Variants in CASR observed in about 807,000 individuals in gnomAD.
CASR encodes calcium sensing receptor, also known as extracellular calcium-sensing receptor.
A neutral mutation model predicts 69.1 loss-of-function variants in CASR; 23 were observed. The observed-to-expected ratio is 0.33, with a 90% CI of 0.24 to 0.47. CASR has a LOEUF of 0.47. Ranked by LOEUF, CASR falls within the 20% of genes least tolerant of loss-of-function variation. CASR has a pLI of 1.00. For synonymous variants in CASR, 541 were observed against 544.7 expected (o/e 0.99, Z 0.10); for missense variants, 924 against 1,356.1 (o/e 0.68, Z 5.00).
intron 1 of CASR, chr3:122,246,462 A>G (rs2074428588): frequency 6.6e-6 from 1 of 152,214 alleles, no homozygotes; most frequent in Non-Finnish European, 1.5e-5. Flanking sequence ...CGGAGCCACA[A>G]ACTTGGCTTA....
At chr3:122,201,266 A>G (rs994307680) in intron 1 of CASR, among the ~76,000 whole-genome samples, 1 of 152,194 alleles carries the variant, frequency 6.6e-6, no homozygotes. Context: ...CCCTTAATCC[A>G]TTTAACCCTG....
At chr3:122,254,441 C>G (rs931087409) in intron 2 of CASR, 67 bp downstream of exon 2, 22 of 1,486,390 alleles carry the variant, frequency 1.5e-5, no homozygotes, top group Non-Finnish European at 2.0e-5. Flanking sequence ...CTGCACCAAA[C>G]GCAAAATAAT....
rs1023450777 is a variant in CASR at position 122,288,505 on chromosome 3, C to T, written c.*3314C>T. The T allele has an allele frequency of 1.3e-5, 2 of 152,200 alleles. No homozygotes were observed. The highest frequency in any genetic ancestry group is 6.5e-5 in the Admixed American group (1 of 15,278). The allele number at this position is 152,200 out of a possible 1,614,324, so 9.4% of individuals were successfully genotyped here. On this transcript the variant is annotated 3_prime_UTR_variant, in exon 7 of 7. Transcript: ENST00000639785. ...CTTCCCTGAGTTTTGGCAGCCAGAG[C>T]CTGTCTCAGAGATCTATTCCTGTTC...
At chr3:122,227,682 G>A (rs750824395) in intron 1 of CASR, among the ~76,000 whole-genome samples, 10 of 152,184 alleles carry the variant, frequency 6.6e-5, no homozygotes, top group African/African-American at 1.2e-4. Flanking sequence ...AGCCAAGGCC[G>A]AGGAGGCACC....
intron 1 of CASR, among the ~76,000 whole-genome samples, chr3:122,201,620 G>A (rs891249235): frequency 1.8e-4 from 25 of 140,618 alleles, no homozygotes; most frequent in Admixed American, 1.2e-3. Context: ...GCGGCTGGCC[G>A]GGCGGGGGCG....
chr3:122,203,571 A>C lies in CASR; in HGVS notation c.-243+19759A>C, dbSNP rs912163013. Among the ~76,000 whole-genome samples the C allele has an allele frequency of 4.6e-5, 7 of 152,230 alleles. No homozygotes were observed. In the South Asian group the frequency reaches 6.2e-4, roughly 14 times the overall value. ...AGTAAAAAATGGTATAAAAGGCCAA[A>C]AAAAGGGTACATGTGTATAATAAGG... On this transcript the variant is annotated intron_variant, in intron 1 of 6. Transcript: ENST00000639785.
chr3:122,274,812 C>T (rs1023931559), intron 4 of CASR, among the ~76,000 whole-genome samples: 2 of 152,178 alleles, frequency 1.3e-5, no homozygotes, highest in African/African-American at 4.8e-5. Context: ...GTGTACCCTA[C>T]ACTCACAGGC....
intron 1 of CASR, among the ~76,000 whole-genome samples, chr3:122,216,329 T>C (rs535420833): frequency 4.5e-4 from 68 of 152,296 alleles, no homozygotes; most frequent in African/African-American, 1.5e-3. Flanking sequence ...TACTTGATCA[T>C]GGGCAAGGGA....
At chr3:122,232,545 G>T (rs2074288327) in intron 1 of CASR, among the ~76,000 whole-genome samples, 1 of 152,180 alleles carries the variant, frequency 6.6e-6, no homozygotes, top group South Asian at 2.1e-4. Context: ...GGAACTGAAG[G>T]GAGGGCAGGC....
intron 1 of CASR, among the ~76,000 whole-genome samples, chr3:122,245,830 G>C (rs1056302842): frequency 1.3e-5 from 2 of 152,168 alleles, no homozygotes; most frequent in African/African-American, 2.4e-5. Context: ...GTGCACCTGC[G>C]GTCCAATTAA....
intron 1 of CASR, among the ~76,000 whole-genome samples, chr3:122,236,888 A>T (rs944224428): frequency 6.6e-6 from 1 of 152,210 alleles, no homozygotes; most frequent in Non-Finnish European, 1.5e-5. Flanking sequence ...CTGAAAAAAA[A>T]GTGAAGGTGA....
chr3:122,189,573 G>T (rs766717900), intron 1 of CASR, among the ~76,000 whole-genome samples: 4 of 152,182 alleles, frequency 2.6e-5, no homozygotes, highest in Non-Finnish European at 5.9e-5. Flanking sequence ...TGGGGGCAAA[G>T]GTAATATGAT....
chr3:122,232,426 G>C (rs1186091402), intron 1 of CASR, among the ~76,000 whole-genome samples: 3 of 152,196 alleles, frequency 2.0e-5, no homozygotes, highest in Non-Finnish European at 4.4e-5. Context: ...CCTCATCCCT[G>C]ATGGATGAAG....
chr3:122,288,010 G>C lies in CASR; in HGVS notation c.*2819G>C, dbSNP rs1167525190. 6.6e-6 allele frequency: 1 copy of C among 152,256 alleles called. No homozygotes were observed. Among genetic ancestry groups the C allele is most frequent in the Non-Finnish European group, 1.5e-5 (1 of 68,054 alleles). The allele number at this position is 152,256 out of a possible 1,614,324, so 9.4% of individuals were successfully genotyped here. A position where few individuals can be genotyped will look rare whatever the true frequency, so the allele number is the denominator to read the frequency against. On this transcript the variant is annotated 3_prime_UTR_variant, in exon 7 of 7. Coordinates refer to ENST00000639785, the MANE Select transcript of CASR (RefSeq NM_000388.4). Reference sequence around the variant, plus strand: ...AAAGATGCCCACATCCTCATCTCTAGAACCTATGGCTATGTTGTTACATGG... The same window carrying C: ...AAAGATGCCCACATCCTCATCTCTACAACCTATGGCTATGTTGTTACATGG...
At chr3:122,225,434 C>T (rs1402395084) in intron 1 of CASR, among the ~76,000 whole-genome samples, 2 of 150,732 alleles carry the variant, frequency 1.3e-5, no homozygotes, top group African/African-American at 2.4e-5. Flanking sequence ...CTAAAGAAGA[C>T]ATACATGTGG....
intron 1 of CASR, among the ~76,000 whole-genome samples, chr3:122,243,846 TA>T (rs61140236): frequency 0.18 from 25,970 of 147,350 alleles, 2,283 homozygotes; most frequent in South Asian, 0.2. Flanking sequence ...TATTCCATCA[TA>T]AAAAAAAAAA....
chr3:122,246,898 G>A (rs7632399), intron 1 of CASR: 137,392 of 152,246 alleles, frequency 0.9, 62,441 homozygotes, highest in Admixed American at 0.94. Flanking sequence ...CAGGAGTAGC[G>A]GAGAACAGAA....
At chr3:122,191,404 C>T (rs939695635) in intron 1 of CASR, among the ~76,000 whole-genome samples, 9 of 152,114 alleles carry the variant, frequency 5.9e-5, no homozygotes, top group Admixed American at 2.0e-4. Flanking sequence ...TTCTGCCTTC[C>T]GGGTTCAAGC....
intron 1 of CASR, among the ~76,000 whole-genome samples, chr3:122,230,287 G>A (rs1291215607): frequency 6.6e-6 from 1 of 152,244 alleles, no homozygotes. Context: ...GTGAGGGCCA[G>A]AACCCAAGTC....
Sources: allele counts gnomAD v4.1 joint callset (sites outside exome capture counted in the v4.1 genomes callset), GRCh38; gene constraint gnomAD v4.1.1; transcripts MANE v1.5; gene names NCBI Gene and HGNC (gene_info 2026-07-23, HGNC 2026-07-21).